The following LTBP2 variants were observed in gnomAD, a reference collection of about 807,000 sequenced individuals.
The protein encoded by LTBP2 is latent transforming growth factor beta binding protein 2.
Under a neutral mutation model 210.6 loss-of-function variants are expected in LTBP2, and 103 were observed. The ratio of observed to expected loss-of-function variants is 0.49; its 90% confidence interval spans 0.42 to 0.58. The LOEUF is 0.58. LTBP2 is among the 20% of genes least tolerant of loss of function. LTBP2 has a pLI of 0.00. For missense variants in LTBP2, 2,313 were observed against 2,494.5 expected, an observed-to-expected ratio of 0.93 and a Z score of 1.55; for synonymous variants, 1,007 against 1,015.0, an observed-to-expected ratio of 0.99 and a Z score of 0.15.
At chr14:74,523,004 AG>A in intron 15 of LTBP2, 86 bp from the exon 16 acceptor site, 2 of 1,520,608 alleles carry the variant, frequency 1.3e-6, no homozygotes, top group South Asian at 2.4e-5. Context: ...GTCAGTGGCC[AG>A]GGTCTAGGGG....
Position 74,507,366 on chromosome 14 carries a change from G to T in LTBP2, c.3776-56C>A, listed in dbSNP as rs554157077. The T allele has an allele frequency of 2.4e-4, 389 of 1,610,372 alleles. No homozygotes were observed. The Middle Eastern group carries it at 4.7e-3, about 19-fold the overall frequency. The stretch of plus-strand genomic sequence containing the variant: ...CAGAGGTGGCCAGGTCACTGCTGTG[G>T]TCCCACAGGGTCATGCCCCACAACC... On this transcript the variant is annotated intron_variant, in intron 25 of 35. Coordinates refer to ENST00000261978, the MANE Select transcript of LTBP2 (RefSeq NM_000428.3).
Position 74,500,912 on chromosome 14 carries a change from C to G in LTBP2, c.5438G>C (p.Gly1813Ala). ...CTCCTTGGCAGTGCAGTGGGGGGGCCCTGCCTCAGCCACATATCCCGGGGA... is the reference window on the plus strand; with the variant it reads ...CTCCTTGGCAGTGCAGTGGGGGGGCGCTGCCTCAGCCACATATCCCGGGGA... ...HCSPGYVAEA[G>A]PPHCTAKE The change falls in exon 36 of 36, where the codon GGG (glycine) becomes GCG (alanine). Residue 1813 changes from glycine to alanine, a missense_variant. Gly to Ala is a moderately conservative substitution (Grantham distance 60). Coordinates refer to ENST00000261978, the MANE Select transcript of LTBP2 (RefSeq NM_000428.3). 6.2e-7 allele frequency: 1 copy of G among 1,614,138 alleles called. No individual in the cohort carries two copies. The highest frequency in any genetic ancestry group is 8.5e-7 in the Non-Finnish European group (1 of 1,180,030).
intron 17 of LTBP2, among the ~76,000 whole-genome samples, chr14:74,521,417 C>G (rs1376458940): frequency 2.1e-5 from 2 of 93,294 alleles, no homozygotes; most frequent in African/African-American, 7.3e-5. Flanking sequence ...GGTCCCCTGG[C>G]AGTGGGCCAC....
At chr14:74,521,864 C>A (rs756074894) in intron 17 of LTBP2, 47 bp downstream of exon 17, 2 of 1,612,338 alleles carry the variant, frequency 1.2e-6, no homozygotes, top group African/African-American at 1.3e-5. Context: ...CTTCCACCCC[C>A]TCAAGACTGT....
At chr14:74,502,397 A>C (rs1199789975) in intron 34 of LTBP2, among the ~76,000 whole-genome samples, 3 of 152,156 alleles carry the variant, frequency 2.0e-5, no homozygotes, top group Non-Finnish European at 4.4e-5. Flanking sequence ...CAGTCCCCAC[A>C]GGAAGCTTGT....
At chr14:74,551,525 G>A in intron 6 of LTBP2, among the ~76,000 whole-genome samples, 175 bp from the exon 7 acceptor site, 1 of 152,182 alleles carries the variant, frequency 6.6e-6, no homozygotes, top group East Asian at 1.9e-4. Context: ...TCCCTTGTGG[G>A]GACGGGATGA....
At position 74,564,329 on chromosome 14, in the gene LTBP2, ATT is replaced by A. The variant is rs1342914020; in HGVS notation, c.831-8638_831-8637del. On this transcript the variant is annotated intron_variant, in intron 3 of 35. Transcript: ENST00000261978. ...TATTTATATATATATTTATATATAT[ATT>A]TATATATATATATTTATATATATTT... 3.3e-3 allele frequency among the ~76,000 whole-genome samples: 38 copies of A among 11,538 alleles called. 1 individual carries two copies. Among genetic ancestry groups the A allele is most frequent in the East Asian group, 1.0e-2 (4 of 402 alleles). The allele number at this position is 11,538 out of a possible 152,430, so 7.6% of individuals were successfully genotyped here.
intron 3 of LTBP2, among the ~76,000 whole-genome samples, chr14:74,564,063 A>T (rs867346257): frequency 3.2e-3 from 79 of 24,550 alleles, no homozygotes; most frequent in African/African-American, 6.7e-3. Context: ...ATATATATTT[A>T]TATATATATA....
At chr14:74,599,794 G>A (rs952967633) in intron 2 of LTBP2, among the ~76,000 whole-genome samples, 2 of 152,252 alleles carry the variant, frequency 1.3e-5, no homozygotes, top group African/African-American at 4.8e-5. Context: ...AGGCAAGAGA[G>A]GGCAACTGAG....
chr14:74,554,977 A>G (rs2087710758), intron 4 of LTBP2, among the ~76,000 whole-genome samples: 1 of 141,946 alleles, frequency 7.0e-6, no homozygotes, highest in Non-Finnish European at 1.5e-5. Context: ...AAAGGAGGGG[A>G]GGGGAGGGGA....
chr14:74,535,911 C>A lies in LTBP2; in HGVS notation c.1864+15G>T, dbSNP rs367974670. ...CCGGCATCCTTGAGCCCAGCCCTGG[C>A]CCTGGGGGTCCTACCTTGGCAGTGA... On this transcript the variant is annotated intron_variant, in intron 9 of 35. Coordinates refer to ENST00000261978, the MANE Select transcript of LTBP2 (RefSeq NM_000428.3). 1 of 1,612,720 alleles carries A rather than the reference C, an allele frequency of 6.2e-7. No individual in the cohort carries two copies. Among genetic ancestry groups the A allele is most frequent in the Non-Finnish European group, 8.5e-7 (1 of 1,178,888 alleles).
chr14:74,596,524 G>C (rs1470744426), intron 2 of LTBP2, among the ~76,000 whole-genome samples: 2 of 152,336 alleles, frequency 1.3e-5, no homozygotes, highest in East Asian at 3.9e-4. Flanking sequence ...CTGCACTCAG[G>C]GAGCTGGGTG....
At chr14:74,588,701 G>A (rs2088242283) in intron 2 of LTBP2, among the ~76,000 whole-genome samples, 2 of 152,070 alleles carry the variant, frequency 1.3e-5, no homozygotes, top group Admixed American at 1.3e-4. Flanking sequence ...GTGACAATAG[G>A]CCTGGCACCG....
chr14:74,550,092 C>G (rs1434332795), intron 7 of LTBP2, 127 bp from the exon 8 acceptor site: 6 of 706,972 alleles, frequency 8.5e-6, no homozygotes, highest in Non-Finnish European at 1.6e-5. Context: ...TGTCCCCAGC[C>G]AAAGAAGGGG....
At chr14:74,553,559 A>G (rs942506733) in intron 4 of LTBP2, among the ~76,000 whole-genome samples, 2 of 152,188 alleles carry the variant, frequency 1.3e-5, no homozygotes, top group African/African-American at 2.4e-5. Context: ...AAAGGATTAG[A>G]GTCAGGTTTT....
intron 1 of LTBP2, among the ~76,000 whole-genome samples, chr14:74,609,926 A>G (rs2088581301): frequency 6.6e-6 from 1 of 152,244 alleles, no homozygotes; most frequent in South Asian, 2.1e-4. Flanking sequence ...CAGGAAAGGA[A>G]AACGCTGAAA....
intron 2 of LTBP2, among the ~76,000 whole-genome samples, chr14:74,598,149 C>T (rs1391931325): frequency 6.6e-6 from 1 of 152,254 alleles, no homozygotes; most frequent in East Asian, 1.9e-4. Context: ...GGGAGCCTGA[C>T]TCCAAAGCTG....
At chr14:74,572,340 A>AGTGT (rs1555352301) in intron 3 of LTBP2, among the ~76,000 whole-genome samples, 4 of 147,010 alleles carry the variant, frequency 2.7e-5, no homozygotes, top group Admixed American at 6.8e-5. Flanking sequence ...AGAGAGAGAG[A>AGTGT]GTGTGTGTGT....
intron 15 of LTBP2, 117 bp from the exon 16 acceptor site, chr14:74,523,035 G>C: frequency 7.9e-7 from 1 of 1,269,190 alleles, no homozygotes; most frequent in South Asian, 1.4e-5. Context: ...GCCAACCTTA[G>C]CCAGGCCCTC....
Sources: gnomAD v4.1 joint callset for allele counts (sites outside exome capture counted in the v4.1 genomes callset) on GRCh38, gnomAD v4.1.1 for gene constraint, MANE v1.5 for transcripts, NCBI Gene and HGNC (gene_info 2026-07-23, HGNC 2026-07-21) for gene names.